FOXP2: variants seen among roughly 807,000 people sequenced by gnomAD.
FOXP2 encodes forkhead box P2, also known as forkhead box protein P2.
A neutral mutation model predicts 115.8 loss-of-function variants in FOXP2; 12 were observed. The observed-to-expected ratio is 0.10, with a 90% confidence interval of 0.07 to 0.17. The LOEUF (loss-of-function observed/expected upper bound fraction) is 0.17. Ranked by LOEUF, FOXP2 falls within the 10% of genes least tolerant of loss-of-function variation. The pLI is 1.00. For missense variants in FOXP2, 629 were observed against 843.5 expected (o/e 0.75, Z 3.15); for synonymous variants, 328 against 297.7 (o/e 1.10, Z -1.05).
chr7:114,412,204 T>A (rs1051227798), upstream of FOXP2, among the ~76,000 whole-genome samples: 5 of 152,136 alleles, frequency 3.3e-5, no homozygotes, highest in East Asian at 9.7e-4. Flanking sequence ...TTGGAAGATA[T>A]AAGTTAAAAT....
At chr7:114,464,110 A>T (rs920570301) in intron 2 of FOXP2, among the ~76,000 whole-genome samples, 4 of 152,190 alleles carry the variant, frequency 2.6e-5, no homozygotes, top group Non-Finnish European at 5.9e-5. Flanking sequence ...CTGTAAGTTG[A>T]TAACATTTGT....
At chr7:114,413,800 G>T (rs150995728), upstream of FOXP2, among the ~76,000 whole-genome samples, 1 of 152,230 alleles carries the variant, frequency 6.6e-6, no homozygotes, top group Non-Finnish European at 1.5e-5. Flanking sequence ...CTCATCTGAA[G>T]AAACTAAAAC....
At chr7:114,305,288 C>T (rs923567647) in intron 2 of FOXP2, among the ~76,000 whole-genome samples, 5 of 152,084 alleles carry the variant, frequency 3.3e-5, no homozygotes, top group South Asian at 2.1e-4. Flanking sequence ...AAATATATCC[C>T]TCTTGTAAAA....
chr7:114,179,968 C>G (rs1793415781), intron 1 of FOXP2, among the ~76,000 whole-genome samples: 2 of 151,882 alleles, frequency 1.3e-5, no homozygotes, highest in African/African-American at 4.8e-5. Context: ...GTCTCCTTTT[C>G]TACAAGGTGG....
At chr7:114,270,934 A>G (rs2129172811) in intron 1 of FOXP2, among the ~76,000 whole-genome samples, 1 of 151,852 alleles carries the variant, frequency 6.6e-6, no homozygotes, top group South Asian at 2.1e-4. Context: ...TAGGGCTATG[A>G]TCCATTTTGA....
rs577799324 is a variant in FOXP2, at chr7:114,329,256, G to A, written c.-11+41147G>A. 7.6e-4 allele frequency among the ~76,000 whole-genome samples: 116 copies of A among 152,102 alleles called. 3 individuals carry two copies. The South Asian group carries it at 0.023, about 30-fold the overall frequency. On this transcript the variant is annotated intron_variant, in intron 2 of 17. Transcript: ENST00000634411. ...TATCTGGCCAGGCATGGTGGTTCAC[G>A]CCTGTAATCCCAGCACTTTGGGAGG...
At chr7:114,653,803 C>T (rs904557326) in intron 9 of FOXP2, 123 bp from the exon 10 acceptor site, 38 of 1,091,788 alleles carry the variant, frequency 3.5e-5, no homozygotes, top group Middle Eastern at 2.0e-4. Flanking sequence ...TTCCTCCTGA[C>T]GCAGACTTTT....
intron 6 of FOXP2, 26 bp downstream of exon 6, chr7:114,631,731 T>A: frequency 1.2e-6 from 2 of 1,610,354 alleles, no homozygotes; most frequent in Non-Finnish European, 1.7e-6. Flanking sequence ...TGTGCACTCT[T>A]CATTTCAAAT....
At chr7:114,539,611 G>A (rs780105592) in intron 3 of FOXP2, among the ~76,000 whole-genome samples, 1 of 151,958 alleles carries the variant, frequency 6.6e-6, no homozygotes, top group Admixed American at 6.6e-5. Context: ...ACTATGTCTT[G>A]TGTGGCTCTT....
intron 1 of FOXP2, among the ~76,000 whole-genome samples, chr7:114,283,115 T>G (rs1796381039): frequency 6.6e-6 from 1 of 152,162 alleles, no homozygotes; most frequent in Non-Finnish European, 1.5e-5. Context: ...TTGTTGATTT[T>G]CTCTTCACTG....
chr7:114,398,255 A>T (rs1792792756), intron 2 of FOXP2, among the ~76,000 whole-genome samples: 1 of 152,188 alleles, frequency 6.6e-6, no homozygotes, highest in South Asian at 2.1e-4. Context: ...AGATGCAATT[A>T]TAGCCATCTA....
intron 11 of FOXP2, 64 bp downstream of exon 11, chr7:114,658,331 C>T (rs1806698933): frequency 3.3e-6 from 5 of 1,504,550 alleles, no homozygotes; most frequent in Non-Finnish European, 3.7e-6. Context: ...GCTGAATCAA[C>T]TGTACATGAG....
At chr7:114,339,560 GCTTTA>G (rs776951645) in intron 2 of FOXP2, among the ~76,000 whole-genome samples, 52 of 151,036 alleles carry the variant, frequency 3.4e-4, no homozygotes, top group Admixed American at 7.3e-4. Flanking sequence ...ATTTCCTGAA[GCTTTA>G]CTTTATTTCA....
intron 1 of FOXP2, among the ~76,000 whole-genome samples, chr7:114,236,760 T>G (rs1186584541): frequency 6.6e-6 from 1 of 152,152 alleles, no homozygotes; most frequent in African/African-American, 2.4e-5. Flanking sequence ...GTGGATCACT[T>G]GAGGCCAGGA....
chr7:114,417,058 T>C (rs186509035), intron 1 of FOXP2, among the ~76,000 whole-genome samples: 1 of 152,114 alleles, frequency 6.6e-6, no homozygotes, highest in East Asian at 1.9e-4. Context: ...GGCATGGTAT[T>C]CTGCTATTGT....
intron 1 of FOXP2, among the ~76,000 whole-genome samples, chr7:114,111,614 A>AT (rs773657554): frequency 3.9e-5 from 6 of 152,146 alleles, no homozygotes; most frequent in African/African-American, 1.4e-4. Flanking sequence ...CTTTGGTCAC[A>AT]TTTTTGCTAT....
intron 1 of FOXP2, among the ~76,000 whole-genome samples, chr7:114,164,414 G>A (rs1013092980): frequency 1.3e-5 from 2 of 150,392 alleles, no homozygotes; most frequent in African/African-American, 4.9e-5. Context: ...GTGCGATCTC[G>A]GCTCACTGCA....
intron 2 of FOXP2, among the ~76,000 whole-genome samples, chr7:114,356,269 C>T (rs1405185919): frequency 6.6e-6 from 1 of 152,108 alleles, no homozygotes; most frequent in Non-Finnish European, 1.5e-5. Flanking sequence ...ATATACTTCG[C>T]ATATTGTTAA....
chr7:114,263,478 G>A (rs907002159), intron 1 of FOXP2, among the ~76,000 whole-genome samples: 8 of 146,592 alleles, frequency 5.5e-5, no homozygotes, highest in African/African-American at 1.8e-4. Context: ...TATTGAGACC[G>A]GGTGTTGCTG....
Sources: gnomAD v4.1 joint callset for allele counts (sites outside exome capture counted in the v4.1 genomes callset) on GRCh38, gnomAD v4.1.1 for gene constraint, MANE v1.5 for transcripts, NCBI Gene and HGNC (gene_info 2026-07-23, HGNC 2026-07-21) for gene names.